Variants in NPAS1 observed in about 807,000 individuals in gnomAD.
NPAS1 encodes the protein neuronal PAS domain-containing protein 1.
In NPAS1, 29 loss-of-function variants were observed where a neutral mutation model predicts 49.2. The observed-to-expected ratio is 0.59, with a 90% CI of 0.44 to 0.80. The LOEUF is 0.80. NPAS1 is among the 30% of genes least tolerant of loss of function. The pLI is 0.00. For missense variants in NPAS1, 825 were observed against 835.5 expected, an observed-to-expected ratio of 0.99 and a Z score of 0.15; for synonymous variants, 408 against 380.4, an observed-to-expected ratio of 1.07 and a Z score of -0.84.
At chr19:47,042,664 G>C in intron 10 of NPAS1, 146 bp from the exon 11 acceptor site, 1 of 571,208 alleles carries the variant, frequency 1.8e-6, no homozygotes, top group East Asian at 3.5e-5. Flanking sequence ...TAGGGATCTG[G>C]TGTTGAGCCT....
Position 47,021,681 on chromosome 19 carries a change from G to A in NPAS1, c.192G>A (p.Glu64=), listed in dbSNP as rs1226033061. ...ARSRRGKENL[E]FFELAKLLPL... is the part of the protein sequence containing the mutation. ...CGCGGCGCGGGAAGGAGAACCTGGA[G>A]TTCTTCGAGCTGGCCAAGCTTCTCC... Residue 64 remains glutamate, a synonymous_variant, in exon 3 of 12, where the codon GAG becomes GAA. Coordinates refer to ENST00000602212, the MANE Select transcript of NPAS1 (RefSeq NM_002517.4). This position sits in a 1 kb window ranked among gnomAD's most constrained non-coding sequence, Gnocchi z 5.7. 5.1e-6 allele frequency: 8 copies of A among 1,563,928 alleles called. No individual in the cohort carries two copies. The African/African-American group carries it at 6.9e-5, about 14-fold the overall frequency.
At chr19:47,040,881 GCT>G (rs1001769252) in intron 9 of NPAS1, 95 bp from the exon 10 acceptor site, 35 of 1,055,944 alleles carry the variant, frequency 3.3e-5, no homozygotes, top group Non-Finnish European at 4.4e-5. Flanking sequence ...CCACTCCCCT[GCT>G]CTCACTCCTC....
rs2056841747 is a variant in NPAS1, at chr19:47,021,593, C to T, written c.123-19C>T. The T allele has an allele frequency of 1.4e-6, 2 of 1,455,928 alleles. No individual in the cohort carries two copies. The highest frequency in any genetic ancestry group is 1.8e-6 in the Non-Finnish European group (2 of 1,104,152). 90.2% of individuals were successfully genotyped at this position (1,455,928 alleles called of 1,614,324 possible). A position where few individuals can be genotyped will look rare whatever the true frequency, so the allele number is the denominator to read the frequency against. On this transcript the variant is annotated intron_variant, in intron 2 of 11. Transcript: ENST00000602212. This position sits in a 1 kb window ranked among gnomAD's most constrained non-coding sequence, Gnocchi z 5.7. ...AGCCCCGGGGCCCCGCCGACACCTCCTCCGCGCCGCCCGCCCAGCCTGCAG... is the reference window on the plus strand; with the variant it reads ...AGCCCCGGGGCCCCGCCGACACCTCTTCCGCGCCGCCCGCCCAGCCTGCAG...
chr19:47,039,281 G>T (rs1348048483), intron 7 of NPAS1, 126 bp from the exon 8 acceptor site: 2 of 1,453,334 alleles, frequency 1.4e-6, no homozygotes, highest in Admixed American at 1.9e-5. Context: ...GAATGGGACT[G>T]GGGGGGTCAC....
intron 9 of NPAS1, 153 bp from the exon 10 acceptor site, chr19:47,040,825 C>A: frequency 1.4e-6 from 1 of 692,172 alleles, no homozygotes; most frequent in Non-Finnish European, 2.3e-6. Context: ...CTGACTCTGC[C>A]TCTCTGTGCT....
chr19:47,031,018 GTC>G (rs1402597260), intron 3 of NPAS1, among the ~76,000 whole-genome samples: 1 of 151,808 alleles, frequency 6.6e-6, no homozygotes, highest in Non-Finnish European at 1.5e-5. Flanking sequence ...ATATCCCTCT[GTC>G]TCTGTCTTTC....
rs766667166 is a variant in NPAS1 at position 47,042,866 on chromosome 19, C to T, written c.1274C>T (p.Ala425Val). 8.1e-6 allele frequency: 13 copies of T among 1,605,984 alleles called. No individual in the cohort carries two copies. In the South Asian group the frequency reaches 1.4e-4, roughly 18 times the overall value. The change falls in exon 11 of 12, where the codon GCC becomes GTC. Residue 425 changes from alanine to valine, a missense_variant. Ala to Val is a moderately conservative substitution (Grantham distance 64). Coordinates refer to ENST00000602212, the MANE Select transcript of NPAS1 (RefSeq NM_002517.4). The stretch of plus-strand genomic sequence containing the variant: ...GCCTTCCAGCTTCCAGCCAGCGTGG[C>T]CTGTGAGGAGGCATCCAGCCCGGGG... The part of the protein sequence containing the change: ...LDAFQLPASV[A>V]CEEASSPGPE...
intron 3 of NPAS1, among the ~76,000 whole-genome samples, chr19:47,029,252 TTC>T (rs2056891632): frequency 6.6e-6 from 1 of 151,670 alleles, no homozygotes; most frequent in Non-Finnish European, 1.5e-5. Context: ...CGGCTAGTTT[TTC>T]TGTAGTTTTA....
chr19:47,045,148 G>C, intron 11 of NPAS1, 43 bp from the exon 12 acceptor site: 1 of 1,584,572 alleles, frequency 6.3e-7, no homozygotes, highest in South Asian at 1.1e-5. Flanking sequence ...GGAAGACTGA[G>C]GGCTGGGGAC....
Position 47,045,541 on chromosome 19 carries a change from C to CA in NPAS1, c.1664dup (p.His555GlnfsTer57), listed in dbSNP as rs1248365141. ...CGCGGAGCTGGGCCTGGTGTACCCG[C>CA]ACCTGCAGAGGCTGGGTCCGGGCCC... On this transcript the variant is annotated frameshift_variant, in exon 12 of 12. Coordinates refer to ENST00000602212, the MANE Select transcript of NPAS1 (RefSeq NM_002517.4). LOFTEE classifies it high-confidence loss of function. 5.2e-6 allele frequency: 8 copies of CA among 1,527,338 alleles called. No homozygotes were observed. The African/African-American group carries it at 1.1e-4, about 21-fold the overall frequency. 94.6% of individuals were successfully genotyped at this position (1,527,338 alleles called of 1,614,324 possible). A position where few individuals can be genotyped will look rare whatever the true frequency, so the allele number is the denominator to read the frequency against.
chr19:47,041,194 G>T, intron 10 of NPAS1, 69 bp downstream of exon 10: 1 of 1,406,374 alleles, frequency 7.1e-7, no homozygotes, highest in South Asian at 1.4e-5. Flanking sequence ...CTCCAGTGGG[G>T]GTGCTTTGGG....
intron 6 of NPAS1, among the ~76,000 whole-genome samples, chr19:47,038,404 C>T (rs189743400): frequency 3.5e-4 from 52 of 147,658 alleles, no homozygotes; most frequent in Non-Finnish European, 6.5e-4. Flanking sequence ...GTAATTCCAG[C>T]TACTCAGGAA....
Position 47,027,492 on chromosome 19 carries a change from C to G in NPAS1, c.359-4786C>G, listed in dbSNP as rs192225491. On this transcript the variant is annotated intron_variant, in intron 3 of 11. Transcript: ENST00000602212. ...TCTCTCTGCCCCTGGTCTCCCGTCT[C>G]TCTGCCCCTGGTCTCCCATCTCTCT... 2.7e-3 allele frequency among the ~76,000 whole-genome samples: 167 copies of G among 62,766 alleles called. 4 individuals carry two copies. Among genetic ancestry groups the G allele is most frequent in the African/African-American group, 0.011 (159 of 14,572 alleles). The allele number at this position is 62,766 out of a possible 152,430, so 41.2% of individuals were successfully genotyped here. A position where few individuals can be genotyped will look rare whatever the true frequency, so the allele number is the denominator to read the frequency against.
intron 3 of NPAS1, among the ~76,000 whole-genome samples, chr19:47,027,770 G>C (rs1469455248): frequency 6.6e-6 from 1 of 152,100 alleles, no homozygotes; most frequent in Non-Finnish European, 1.5e-5. Flanking sequence ...CAAGAGATGA[G>C]GACACTGAGC....
chr19:47,036,509 G>A (rs1319083726), intron 6 of NPAS1, among the ~76,000 whole-genome samples: 1 of 152,162 alleles, frequency 6.6e-6, no homozygotes, highest in East Asian at 1.9e-4. Flanking sequence ...GGGAGGCCCA[G>A]GGGGGCGGAT....
At position 47,021,707 on chromosome 19, in the gene NPAS1, C is replaced by T; in HGVS notation, c.218C>T (p.Pro73Leu). ...TTCTTCGAGCTGGCCAAGCTTCTCC[C>T]GCTGCCCGGCGCCATCTCCAGCCAG... is the stretch of plus-strand genomic sequence containing the variant. ...LEFFELAKLL[P>L]LPGAISSQLD... is the part of the protein sequence containing the mutation. The change falls in exon 3 of 12, where the codon CCG becomes CTG. Residue 73 changes from proline to leucine, a missense_variant. By Grantham distance (98) the Pro-to-Leu change is moderately conservative (BLOSUM62 -3). Transcript: ENST00000602212. The surrounding 1 kb of genome is among the most constrained non-coding windows in gnomAD (Gnocchi z 5.7). 1 of 1,554,592 alleles carries T rather than the reference C, an allele frequency of 6.4e-7. No individual in the cohort carries two copies. The highest frequency in any genetic ancestry group is 8.7e-7 in the Non-Finnish European group (1 of 1,150,706).
intron 3 of NPAS1, among the ~76,000 whole-genome samples, chr19:47,030,692 C>T (rs1159412693): frequency 1.6e-5 from 2 of 127,792 alleles, no homozygotes; most frequent in South Asian, 2.6e-4. Context: ...CTCACTCTGT[C>T]GCCCAGGCTG....
intron 3 of NPAS1, among the ~76,000 whole-genome samples, chr19:47,023,827 C>T (rs116273427): frequency 0.017 from 2,535 of 152,236 alleles, 62 homozygotes; most frequent in African/African-American, 0.057. Context: ...AAAATATTGG[C>T]TGGGCACGGT....
In NPAS1 at chr19:47,045,646, G is replaced by T; in HGVS notation, c.1768G>T (p.Asp590Tyr). The T allele has an allele frequency of 7.1e-7, 1 of 1,417,708 alleles. No individual in the cohort carries two copies. Among genetic ancestry groups the T allele is most frequent in the Non-Finnish European group, 9.1e-7 (1 of 1,096,888 alleles). The allele number at this position is 1,417,708 out of a possible 1,614,324, so 87.8% of individuals were successfully genotyped here. The part of the protein sequence containing the change: ...PAGTRLPRKG[D>Y] ...GGGCACCAGGCTGCCGCGGAAGGGG[G>T]ACTGAGGACTGGCAGAGCTGCCGGC... The change falls in exon 12 of 12, where the codon GAC becomes TAC. Residue 590 changes from aspartate (D) to tyrosine (Y), a missense_variant. Physicochemically the swap from Asp to Tyr is radical, Grantham distance 160. Coordinates refer to ENST00000602212, the MANE Select transcript of NPAS1 (RefSeq NM_002517.4).
Sources: gnomAD v4.1 joint callset for allele counts (sites outside exome capture counted in the v4.1 genomes callset) on GRCh38, gnomAD v4.1.1 for gene constraint, Gnocchi (gnomAD v3.1) non-coding constraint, MANE v1.5 for transcripts, NCBI Gene and HGNC (gene_info 2026-07-23, HGNC 2026-07-21) for gene names.